Variants in NBPF9 observed in about 807,000 individuals in gnomAD.
The protein encoded by NBPF9 is NBPF member 9, also known as NBPF family member NBPF9.
A neutral mutation model predicts 97.8 loss-of-function variants in NBPF9; 91 were observed. That is an observed-to-expected ratio of 0.93 (90% CI 0.79 to 1.11). NBPF9 has a LOEUF of 1.11. Among genes scored for constraint, NBPF9 ranks in the 50% least tolerant of loss-of-function variants. The pLI, the probability that NBPF9 is intolerant of heterozygous loss-of-function variation, is 0.00. For missense variants in NBPF9, 992 were observed against 939.5 expected, an observed-to-expected ratio of 1.06 and a Z score of -0.73; for synonymous variants, 334 against 359.5, an observed-to-expected ratio of 0.93 and a Z score of 0.80.
intron 13 of NBPF9, 106 bp from the exon 14 acceptor site, chr1:149,073,038 G>A (rs200309217): frequency 2.5e-6 from 3 of 1,191,758 alleles, no homozygotes; most frequent in South Asian, 1.2e-5. Flanking sequence ...AGACCTCGAA[G>A]CAGAAGGTCA....
intron 5 of NBPF9, among the ~76,000 whole-genome samples, chr1:149,085,445 GTTCT>G (rs1479406561): frequency 1.3e-5 from 2 of 152,122 alleles, no homozygotes; most frequent in East Asian, 3.9e-4. Flanking sequence ...CTTATTCTAG[GTTCT>G]TTGATTTTCA....
intron 12 of NBPF9, among the ~76,000 whole-genome samples, chr1:149,074,244 T>C (rs1466968231): frequency 2.6e-5 from 4 of 151,302 alleles, no homozygotes; most frequent in African/African-American, 7.3e-5. Context: ...TCTTGTACAG[T>C]CGGGAAGGCC....
Position 149,062,979 on chromosome 1 carries a change from G to C in NBPF9, c.2027-66C>G, listed in dbSNP as rs2078733804. The C allele has an allele frequency of 8.2e-6, 6 of 729,080 alleles. No individual in the cohort carries two copies. In the East Asian group the frequency reaches 1.0e-4, roughly 12 times the overall value. The allele number at this position is 729,080 out of a possible 1,614,324, so 45.2% of individuals were successfully genotyped here. On this transcript the variant is annotated intron_variant, in intron 20 of 29. Coordinates refer to ENST00000584027, the Ensembl canonical transcript of NBPF9. The stretch of plus-strand genomic sequence containing the variant: ...TCTCCTACACACATAACAATCCACT[G>C]TCTAATCCTCACACAGGGACTTCAG...
At chr1:149,099,321 GTTTA>G (rs1394532844) in intron 3 of NBPF9, among the ~76,000 whole-genome samples, 7 of 152,164 alleles carry the variant, frequency 4.6e-5, no homozygotes, top group Non-Finnish European at 8.8e-5. Flanking sequence ...ACATACAAAG[GTTTA>G]TTTTTCATTG....
exon 12 of NBPF9, chr1:149,075,685 C>G: frequency 6.2e-7 from 1 of 1,608,834 alleles, no homozygotes; most frequent in South Asian, 1.1e-5. Flanking sequence ...GCCAGGAAGC[C>G]GGCCAGTTGA....
At position 149,079,171 on chromosome 1, in the gene NBPF9, T is replaced by G. The variant is rs1413753011; in HGVS notation, c.329A>C (p.Lys110Thr). The change falls in exon 9 of 30, where the codon AAG (lysine) becomes ACG (threonine). Residue 110 changes from lysine to threonine, a missense_variant. By Grantham distance (78) the Lys-to-Thr change is moderately conservative. This residue lies in a region of NBPF9 where 109 missense variants were observed against 133.1 expected (regional missense o/e 0.82). Transcript: ENST00000584027. ...ATCTCTCCCTTCCCGTAACTTCTCC[T>G]TTAACTGCGTCAGCTCTCGTTCCTG... 22 of 1,252,468 alleles carry G rather than the reference T, an allele frequency of 1.8e-5. No homozygotes were observed. The African/African-American group carries it at 2.8e-4, about 16-fold the overall frequency. 77.6% of individuals were successfully genotyped at this position (1,252,468 alleles called of 1,614,324 possible). A position where few individuals can be genotyped will look rare whatever the true frequency, so the allele number is the denominator to read the frequency against.
intron 9 of NBPF9, among the ~76,000 whole-genome samples, chr1:149,078,581 T>G (rs2080112744): frequency 7.9e-6 from 1 of 126,344 alleles, no homozygotes; most frequent in Admixed American, 8.4e-5. Context: ...AAGAGACAAT[T>G]TGTCTGCCTT....
intron 5 of NBPF9, among the ~76,000 whole-genome samples, chr1:149,086,473 T>C (rs1245001288): frequency 6.7e-6 from 1 of 148,314 alleles, no homozygotes; most frequent in African/African-American, 2.5e-5. Context: ...CACAAACAAG[T>C]TTATTGGAGA....
chr1:149,072,757 A>G, exon 14 of NBPF9: 1 of 1,604,354 alleles, frequency 6.2e-7, no homozygotes, highest in Non-Finnish European at 8.5e-7. Flanking sequence ...GCCAGTCTAC[A>G]CCCCTCAGCC....
chr1:149,069,961 C>T (rs1370515676), intron 16 of NBPF9, among the ~76,000 whole-genome samples: 17,241 of 130,186 alleles, frequency 0.13, 1,228 homozygotes, highest in Middle Eastern at 0.2. Context: ...AGTGTTGCTG[C>T]GATACGGACT....
At chr1:149,063,374 C>T (rs1195667123) in intron 20 of NBPF9, among the ~76,000 whole-genome samples, 1 of 133,312 alleles carries the variant, frequency 7.5e-6, no homozygotes, top group Admixed American at 7.5e-5. Flanking sequence ...TTTGTCACAT[C>T]TGCCCAGGTC....
chr1:149,082,110 G>A (rs1361768622), exon 7 of NBPF9: 74 of 1,611,482 alleles, frequency 4.6e-5, no homozygotes, highest in East Asian at 3.6e-4. Flanking sequence ...CTGCCTTCTC[G>A]CTGGACCAAG....
At chr1:149,061,865 G>T in intron 22 of NBPF9, 1 of 395,496 alleles carries the variant, frequency 2.5e-6, no homozygotes. Flanking sequence ...AGCGGGCTCA[G>T]GTTGCCACAG....
intron 27 of NBPF9, among the ~76,000 whole-genome samples, 197 bp from the exon 28 acceptor site, chr1:149,057,704 G>GACACACACAC (rs879952249): frequency 1.5e-3 from 43 of 27,802 alleles, no homozygotes; most frequent in Non-Finnish European, 3.0e-3. Flanking sequence ...AAGACAGATA[G>GACACACACAC]ACACACACAC....
chr1:149,080,310 C>T (rs2080314379), intron 7 of NBPF9, among the ~76,000 whole-genome samples, 155 bp from the exon 8 acceptor site: 1 of 151,252 alleles, frequency 6.6e-6, no homozygotes, highest in African/African-American at 2.4e-5. Flanking sequence ...CTTCAGTCTC[C>T]TGACTTTCTG....
At chr1:149,095,501 G>C (rs2081688231) in intron 4 of NBPF9, among the ~76,000 whole-genome samples, 2 of 147,668 alleles carry the variant, frequency 1.4e-5, no homozygotes, top group East Asian at 2.0e-4. Flanking sequence ...TTGTGTGAAA[G>C]ACACTGTTAA....
At chr1:149,085,917 T>C (rs2080957037) in intron 5 of NBPF9, among the ~76,000 whole-genome samples, 1 of 151,500 alleles carries the variant, frequency 6.6e-6, no homozygotes, top group Non-Finnish European at 1.5e-5. Context: ...TTGCAGTTCA[T>C]CAGCCTTTCA....
At chr1:149,071,966 T>A (rs75681730) in intron 14 of NBPF9, among the ~76,000 whole-genome samples, 8,196 of 148,444 alleles carry the variant, frequency 0.055, 645 homozygotes, top group East Asian at 0.46. Context: ...GGCAGCTGTC[T>A]CCCCCATCCT....
At chr1:149,084,442 A>T (rs1553247442) in intron 5 of NBPF9, among the ~76,000 whole-genome samples, 21,515 of 144,428 alleles carry the variant, frequency 0.15, 1,758 homozygotes, top group African/African-American at 0.22. Context: ...ATATATATAT[A>T]TTTTTCTTTT....
Sources: gnomAD v4.1 joint callset for allele counts (sites outside exome capture counted in the v4.1 genomes callset) on GRCh38, gnomAD v4.1.1 for gene constraint, gnomAD v4.1.1 regional missense constraint, MANE v1.5 for transcripts, NCBI Gene and HGNC (gene_info 2026-07-23, HGNC 2026-07-21) for gene names.